The following SLIT2 variants were observed in gnomAD, a reference collection of about 807,000 sequenced individuals.
SLIT2 encodes the protein slit guidance ligand 2, also known as slit homolog 2 protein.
A neutral mutation model predicts 185.7 loss-of-function variants in SLIT2; 41 were observed. The observed-to-expected ratio is 0.22, with a 90% confidence interval of 0.17 to 0.29. SLIT2 has a LOEUF of 0.29. SLIT2 is among the 10% of genes least tolerant of loss of function. The pLI, the probability that SLIT2 is intolerant of heterozygous loss-of-function variation, is 1.00. For synonymous variants in SLIT2, 693 were observed against 680.2 expected (o/e 1.02, Z -0.29); for missense variants, 1,571 against 1,909.0 (o/e 0.82, Z 3.30).
At chr4:20,582,173 C>T (rs943552236) in intron 29 of SLIT2, among the ~76,000 whole-genome samples, 9 of 152,208 alleles carry the variant, frequency 5.9e-5, no homozygotes, top group Non-Finnish European at 1.3e-4. Context: ...TGGGGCTCCT[C>T]TGGCACCATG....
At chr4:20,604,412 C>T (rs549651371) in intron 33 of SLIT2, among the ~76,000 whole-genome samples, 57 of 152,186 alleles carry the variant, frequency 3.7e-4, no homozygotes, top group African/African-American at 1.0e-3. Flanking sequence ...TGCAGTGGCG[C>T]GATCTCGGCT....
In SLIT2 at chr4:20,587,708, A is replaced by G. The variant is rs78170732; in HGVS notation, c.3089-1936A>G. 2.7e-3 allele frequency among the ~76,000 whole-genome samples: 409 copies of G among 152,288 alleles called. 4 individuals are homozygous for G. Among genetic ancestry groups the G allele is most frequent in the African/African-American group, 9.4e-3 (392 of 41,564 alleles). On this transcript the variant is annotated intron_variant, in intron 29 of 36. Coordinates refer to ENST00000504154, the MANE Select transcript of SLIT2 (RefSeq NM_004787.4). Reference sequence around the variant, plus strand: ...GACTTTCTCTGCTGGTAGATTAAGAACTGATTAGGAGCAGAGTCCATTACA... The same window carrying G: ...GACTTTCTCTGCTGGTAGATTAAGAGCTGATTAGGAGCAGAGTCCATTACA...
At chr4:20,341,687 A>G (rs1162261008) in intron 4 of SLIT2, among the ~76,000 whole-genome samples, 2 of 152,206 alleles carry the variant, frequency 1.3e-5, no homozygotes, top group Admixed American at 6.5e-5. Context: ...TGAGGTTGAA[A>G]AAGATCAACA....
intron 4 of SLIT2, among the ~76,000 whole-genome samples, chr4:20,449,866 A>G (rs1424976231): frequency 6.6e-6 from 1 of 152,244 alleles, no homozygotes; most frequent in Non-Finnish European, 1.5e-5. Context: ...TTAAAAAGTA[A>G]TACTGTTGAA....
intron 4 of SLIT2, among the ~76,000 whole-genome samples, chr4:20,354,910 A>T (rs147940092): frequency 0.041 from 4,195 of 103,374 alleles, 102 homozygotes; most frequent in East Asian, 0.16. Flanking sequence ...TGTGTGTGAG[A>T]GAGAGAGAGA....
chr4:20,470,823 G>A (rs1467185037), intron 5 of SLIT2, among the ~76,000 whole-genome samples: 5 of 152,084 alleles, frequency 3.3e-5, no homozygotes, highest in Non-Finnish European at 7.4e-5. Flanking sequence ...TGATCCACCC[G>A]CGTTGGCCTC....
intron 6 of SLIT2, among the ~76,000 whole-genome samples, chr4:20,481,308 C>G (rs1716678514): frequency 6.6e-6 from 1 of 152,138 alleles, no homozygotes; most frequent in Non-Finnish European, 1.5e-5. Flanking sequence ...TAATGTACAA[C>G]ACGCAGACTT....
intron 11 of SLIT2, among the ~76,000 whole-genome samples, chr4:20,518,908 G>A (rs1317291448): frequency 1.3e-5 from 2 of 151,938 alleles, no homozygotes; most frequent in East Asian, 3.9e-4. Context: ...GCCCGGCCAT[G>A]TATATATTTT....
At chr4:20,551,377 A>G (rs1273787428) in intron 25 of SLIT2, among the ~76,000 whole-genome samples, 1 of 152,210 alleles carries the variant, frequency 6.6e-6, no homozygotes, top group African/African-American at 2.4e-5. Flanking sequence ...ATAGTTTGGA[A>G]GTAAGACACA....
chr4:20,295,560 C>A (rs925383634), intron 4 of SLIT2, among the ~76,000 whole-genome samples: 8 of 152,142 alleles, frequency 5.3e-5, no homozygotes, highest in African/African-American at 1.9e-4. Context: ...AGTAGTAAGT[C>A]AATCCAAACC....
chr4:20,348,235 TTTTG>T (rs1721587679), intron 4 of SLIT2, among the ~76,000 whole-genome samples: 1 of 151,940 alleles, frequency 6.6e-6, no homozygotes, highest in Admixed American at 6.6e-5. Flanking sequence ...GACTCATGTT[TTTTG>T]TTTGTTTGTT....
intron 21 of SLIT2, 118 bp downstream of exon 21, chr4:20,542,744 G>C: frequency 9.2e-7 from 1 of 1,092,454 alleles, no homozygotes. Flanking sequence ...TCTAAGGCCA[G>C]TTAATTATTA....
intron 9 of SLIT2, among the ~76,000 whole-genome samples, chr4:20,499,116 C>T (rs933946332): frequency 2.0e-5 from 3 of 152,082 alleles, no homozygotes; most frequent in African/African-American, 7.2e-5. Flanking sequence ...TTAACAATTG[C>T]TATTATTTAT....
intron 9 of SLIT2, among the ~76,000 whole-genome samples, chr4:20,506,074 T>G (rs955374660): frequency 2.0e-5 from 3 of 150,972 alleles, no homozygotes; most frequent in African/African-American, 7.2e-5. Flanking sequence ...GCCATTGCTT[T>G]GGTTTCATGT....
intron 2 of SLIT2, among the ~76,000 whole-genome samples, 199 bp downstream of exon 2, chr4:20,256,942 C>A (rs1368656735): frequency 6.6e-6 from 1 of 151,928 alleles, no homozygotes; most frequent in Non-Finnish European, 1.5e-5. Flanking sequence ...TGGAAGCATG[C>A]CATAGAACCA....
At chr4:20,332,588 G>A (rs1191259412) in intron 4 of SLIT2, among the ~76,000 whole-genome samples, 3 of 152,012 alleles carry the variant, frequency 2.0e-5, no homozygotes, top group South Asian at 2.1e-4. Context: ...AGACTGAGGC[G>A]GGAGAATTGC....
chr4:20,602,193 T>G (rs1329310575), intron 33 of SLIT2, among the ~76,000 whole-genome samples: 4 of 152,322 alleles, frequency 2.6e-5, no homozygotes, highest in South Asian at 4.1e-4. Context: ...AAAAAGACTT[T>G]CTTTTAATCT....
chr4:20,601,570 T>C (rs1728414702), intron 33 of SLIT2, among the ~76,000 whole-genome samples: 1 of 152,210 alleles, frequency 6.6e-6, no homozygotes, highest in Non-Finnish European at 1.5e-5. Flanking sequence ...TTACCTTCAA[T>C]TTGCAGTTTT....
intron 4 of SLIT2, among the ~76,000 whole-genome samples, chr4:20,376,579 T>C (rs1724040163): frequency 6.6e-6 from 1 of 152,090 alleles, no homozygotes; most frequent in Admixed American, 6.6e-5. Context: ...GTTAAAAATA[T>C]GGGTGAAATG....
Sources: gnomAD v4.1 joint callset for allele counts (sites outside exome capture counted in the v4.1 genomes callset) on GRCh38, gnomAD v4.1.1 for gene constraint, MANE v1.5 for transcripts, NCBI Gene and HGNC (gene_info 2026-07-23, HGNC 2026-07-21) for gene names.